The following DAPK2 variants were observed in gnomAD, a reference collection of about 807,000 sequenced individuals.
The protein encoded by DAPK2 is death-associated protein kinase 2.
In DAPK2, 35 loss-of-function variants were observed where a neutral mutation model predicts 44.1. The ratio of observed to expected loss-of-function variants is 0.79; its 90% CI spans 0.61 to 1.05. The LOEUF (loss-of-function observed/expected upper bound fraction) is 1.05, where lower values mean the gene tolerates loss of function less well. Ranked by LOEUF, DAPK2 falls within the 50% of genes least tolerant of loss-of-function variation. The pLI, the probability that DAPK2 is intolerant of heterozygous loss-of-function variation, is 0.00. For missense variants in DAPK2, 453 were observed against 483.2 expected (o/e 0.94, Z 0.59); for synonymous variants, 174 against 182.6 (o/e 0.95, Z 0.38).
At position 63,990,034 on chromosome 15, in the gene DAPK2, G is replaced by A. The variant is rs551781257; in HGVS notation, c.93-6280C>T. ...TCTCAAAAGGCAATATACCCCTTAC[G>A]GCCTGCATCAAGGTAGACCACTCGC... On this transcript the variant is annotated intron_variant, in intron 1 of 10. Coordinates refer to ENST00000261891, the Ensembl canonical transcript of DAPK2. This position sits in a 1 kb window ranked among gnomAD's most constrained non-coding sequence, Gnocchi z 4.3. 2.6e-5 allele frequency among the ~76,000 whole-genome samples: 4 copies of A among 152,030 alleles called. No individual in the cohort carries two copies. The highest frequency in any genetic ancestry group is 1.9e-4 in the East Asian group (1 of 5,184).
intron 6 of DAPK2, among the ~76,000 whole-genome samples, chr15:63,928,811 A>T (rs11071776): frequency 0.46 from 69,452 of 151,594 alleles, 17,565 homozygotes; most frequent in East Asian, 0.94. Context: ...GAGGAGAGAG[A>T]CAGTGAGAGG....
Position 63,911,907 on chromosome 15 carries a change from C to G in DAPK2, c.1032+1G>C. 6.2e-7 allele frequency: 1 copy of G among 1,613,262 alleles called. No individual in the cohort carries two copies. The highest frequency in any genetic ancestry group is 2.2e-5 in the East Asian group (1 of 44,870). ...CAAGAAGAGGGCATGCATTTACCCA[C>G]CAGGTCCTCATCCGGCCTCAGGTGC... On this transcript the variant is annotated splice_donor_variant, in intron 10 of 10. Transcript: ENST00000261891. LOFTEE classifies it high-confidence loss of function.
intron 1 of DAPK2, among the ~76,000 whole-genome samples, chr15:64,034,332 G>A (rs547839972): frequency 6.6e-6 from 1 of 152,246 alleles, no homozygotes; most frequent in East Asian, 1.9e-4. Context: ...GATCCCATTG[G>A]GAGACTCCAG....
At position 64,020,077 on chromosome 15, in the gene DAPK2, C is replaced by T. The variant is rs2079642571; in HGVS notation, c.92+20093G>A. On this transcript the variant is annotated intron_variant, in intron 1 of 10. Coordinates refer to ENST00000261891, the Ensembl canonical transcript of DAPK2. This position sits in a 1 kb window ranked among gnomAD's most constrained non-coding sequence, Gnocchi z 4.5. ...GGCTTTACTGTGCCATAAGCCATGG[C>T]TCTAGATGAGTGATTCCTGCCCCAG... Among the ~76,000 whole-genome samples the T allele has an allele frequency of 6.6e-6, 1 of 152,190 alleles. No homozygotes were observed.
At chr15:63,926,206 G>A (rs1392813307) in intron 6 of DAPK2, 113 bp from the exon 8 acceptor site, 1 of 1,239,346 alleles carries the variant, frequency 8.1e-7, no homozygotes, top group South Asian at 1.5e-5. Flanking sequence ...AAGGCTCCCA[G>A]CAACACAGCC....
chr15:64,012,887 A>G (rs892495615), intron 1 of DAPK2, among the ~76,000 whole-genome samples: 3 of 152,240 alleles, frequency 2.0e-5, no homozygotes, highest in Non-Finnish European at 4.4e-5. Context: ...GATCATGTTA[A>G]GCATTCTATC....
intron 3 of DAPK2, among the ~76,000 whole-genome samples, chr15:63,947,232 C>G (rs2077473440): frequency 6.6e-6 from 1 of 152,196 alleles, no homozygotes; most frequent in Admixed American, 6.5e-5. Context: ...ATCTCCCTCC[C>G]CTCCAACACA....
rs1461043768 is a variant in DAPK2 at position 63,924,815 on chromosome 15, C to G, written c.858+1G>C. On this transcript the variant is annotated splice_donor_variant, in intron 8 of 10. Transcript: ENST00000261891. LOFTEE classifies it high-confidence loss of function. ...ATTGGAACTCATGGCTGTGCCCTTA[C>G]CGTGATCCAGGGGTGTCTGAGAGCC... 1 of 1,614,166 alleles carries G rather than the reference C, an allele frequency of 6.2e-7. No individual in the cohort carries two copies. Among genetic ancestry groups the G allele is most frequent in the Non-Finnish European group, 8.5e-7 (1 of 1,179,998 alleles).
intron 3 of DAPK2, among the ~76,000 whole-genome samples, chr15:63,941,359 T>A (rs575381598): frequency 2.6e-5 from 4 of 152,374 alleles, no homozygotes; most frequent in South Asian, 4.1e-4. Flanking sequence ...CTTTCTCTTG[T>A]CCAGCGGCCC....
intron 2 of DAPK2, among the ~76,000 whole-genome samples, chr15:63,973,367 C>A (rs1163960860): frequency 6.6e-6 from 1 of 152,214 alleles, no homozygotes; most frequent in African/African-American, 2.4e-5. Flanking sequence ...GCTGCAGGGG[C>A]AAGACCTCCA....
At chr15:63,911,970 G>C in exon 10 of DAPK2, 1 of 1,614,016 alleles carries the variant, frequency 6.2e-7, no homozygotes, top group Non-Finnish European at 8.5e-7. Context: ...TGGTTGCACA[G>C]GGACACGATG....
At chr15:63,945,115 T>C (rs897982774) in intron 3 of DAPK2, among the ~76,000 whole-genome samples, 8 of 152,166 alleles carry the variant, frequency 5.3e-5, no homozygotes, top group Non-Finnish European at 8.8e-5. Flanking sequence ...TCCTCCCCGC[T>C]CAGCCTCCTG....
At position 64,008,337 on chromosome 15, in the gene DAPK2, C is replaced by A. The variant is rs545431003; in HGVS notation, c.93-24583G>T. 2.0e-5 allele frequency among the ~76,000 whole-genome samples: 3 copies of A among 152,304 alleles called. No homozygotes were observed. The South Asian group carries it at 6.2e-4, about 32-fold the overall frequency. ...TGGCCTCAGACAGTATCTCAACACC[C>A]TGCACAGTCAGTGCTCTCCCCATTA... On this transcript the variant is annotated intron_variant, in intron 1 of 10. Transcript: ENST00000261891.
At chr15:63,988,352 C>A (rs1319060785) in intron 1 of DAPK2, among the ~76,000 whole-genome samples, 1 of 152,160 alleles carries the variant, frequency 6.6e-6, no homozygotes, top group East Asian at 1.9e-4. Context: ...TCCCCAACCT[C>A]AGCTCTTAAG....
At chr15:63,926,134 T>G in intron 6 of DAPK2, 41 bp from the exon 8 acceptor site, 1 of 1,566,076 alleles carries the variant, frequency 6.4e-7, no homozygotes, top group Non-Finnish European at 8.7e-7. Flanking sequence ...TAAGGGAAAG[T>G]AGGTGGAAAT....
intron 1 of DAPK2, among the ~76,000 whole-genome samples, chr15:63,994,810 G>C (rs560534785): frequency 6.6e-6 from 1 of 151,890 alleles, no homozygotes; most frequent in Non-Finnish European, 1.5e-5. Context: ...GGCTGGTTTC[G>C]AACTCCTGAT....
In DAPK2 at chr15:63,917,149, G is replaced by A. The variant is rs1007583666; in HGVS notation, c.859-4952C>T. ...AGGCCGAGGCAGGCAGATCACCTGAGGTCAGGAGTTCAAGACTAGCCTGGC... is the reference window on the plus strand; with the variant it reads ...AGGCCGAGGCAGGCAGATCACCTGAAGTCAGGAGTTCAAGACTAGCCTGGC... On this transcript the variant is annotated intron_variant, in intron 8 of 10. Coordinates refer to ENST00000261891, the Ensembl canonical transcript of DAPK2. This position sits in a 1 kb window ranked among gnomAD's most constrained non-coding sequence, Gnocchi z 4.4. 4 of 152,250 alleles carry A rather than the reference G, an allele frequency of 2.6e-5. No homozygotes were observed. The highest frequency in any genetic ancestry group is 9.7e-5 in the African/African-American group (4 of 41,442). 9.4% of individuals were successfully genotyped at this position (152,250 alleles called of 1,614,324 possible).
intron 8 of DAPK2, among the ~76,000 whole-genome samples, chr15:63,913,728 G>A (rs978659534): frequency 6.6e-6 from 1 of 152,224 alleles, no homozygotes; most frequent in African/African-American, 2.4e-5. Context: ...CTGGCAGGAG[G>A]TCCATCCCAT....
exon 7 of DAPK2, chr15:63,925,985 C>A (rs374682269): frequency 2.8e-5 from 46 of 1,614,200 alleles, no homozygotes; most frequent in Non-Finnish European, 3.9e-5. Context: ...CCTTGGCCAG[C>A]TCGCTCGTCT....
Sources: allele counts gnomAD v4.1 joint callset (sites outside exome capture counted in the v4.1 genomes callset), GRCh38; gene constraint gnomAD v4.1.1; non-coding constraint Gnocchi (gnomAD v3.1); transcripts MANE v1.5; gene names NCBI Gene and HGNC (gene_info 2026-07-23, HGNC 2026-07-21).